The following CPNE5 variants were observed in gnomAD, a reference collection of about 807,000 sequenced individuals.
The protein encoded by CPNE5 is copine-5.
Under a neutral mutation model 81.1 loss-of-function variants are expected in CPNE5, and 42 were observed. The observed-to-expected ratio is 0.52, with a 90% confidence interval of 0.40 to 0.67. CPNE5 has a LOEUF of 0.67. Ranked by LOEUF, CPNE5 falls within the 30% of genes least tolerant of loss-of-function variation. The pLI is 0.00. For synonymous variants in CPNE5, 313 were observed against 321.5 expected (o/e 0.97, Z 0.28); for missense variants, 612 against 815.5 (o/e 0.75, Z 3.04).
At chr6:36,768,796 A>T (rs1766804983) in intron 10 of CPNE5, among the ~76,000 whole-genome samples, 1 of 152,240 alleles carries the variant, frequency 6.6e-6, no homozygotes, top group African/African-American at 2.4e-5. Context: ...CCTAGGAGGC[A>T]GCAAAGTGGG....
chr6:36,753,345 G>GGT (rs1434886379), intron 13 of CPNE5, among the ~76,000 whole-genome samples: 1 of 152,210 alleles, frequency 6.6e-6, no homozygotes, highest in Non-Finnish European at 1.5e-5. Flanking sequence ...CTGAAACCAG[G>GGT]GTGTGTCTGA....
rs764803389 is a variant in CPNE5 at position 36,742,325 on chromosome 6, C to T, written c.1725G>A (p.Ser575=). 57 of 1,611,210 alleles carry T rather than the reference C, an allele frequency of 3.5e-5. No homozygotes were observed. In the East Asian group the frequency reaches 6.7e-4, roughly 19 times the overall value. The change falls in exon 21 of 21, where the codon TCG becomes TCA. Residue 575 remains serine, a synonymous_variant. Coordinates refer to ENST00000244751, the MANE Select transcript of CPNE5 (RefSeq NM_020939.2). ...PRPPPAAPTH[S]PSQSPARTPP... is the part of the protein sequence containing the mutation. ...GCGTGCGGGCTGGGGACTGCGAGGG[C>T]GAGTGGGTTGGTGCTGCGGGTGGGG...
intron 1 of CPNE5, chr6:36,827,765 A>G: frequency 1.0e-6 from 1 of 985,410 alleles, no homozygotes; most frequent in Non-Finnish European, 1.2e-6. Context: ...GCCCTGACGA[A>G]GGGCCCGAGA....
intron 3 of CPNE5, among the ~76,000 whole-genome samples, chr6:36,812,925 C>T (rs749669283): frequency 1.3e-5 from 2 of 152,264 alleles, no homozygotes; most frequent in African/African-American, 2.4e-5. Context: ...CTTAGCAATG[C>T]TGATGGTCCA....
At chr6:36,814,895 G>A (rs918088709) in intron 3 of CPNE5, among the ~76,000 whole-genome samples, 2 of 152,116 alleles carry the variant, frequency 1.3e-5, no homozygotes, top group African/African-American at 2.4e-5. Context: ...GGCCAGGTGC[G>A]GTGGCTCACG....
In CPNE5 at chr6:36,800,012, A is replaced by C. The variant is rs368726086; in HGVS notation, c.242T>G (p.Ile81Ser). 5.8e-5 allele frequency: 93 copies of C among 1,613,952 alleles called. No homozygotes were observed. Among genetic ancestry groups the C allele is most frequent in the Non-Finnish European group, 7.5e-5 (89 of 1,179,990 alleles). The change falls in exon 4 of 21, where the codon ATT becomes AGT. Residue 81 changes from isoleucine (I) to serine (S), a missense_variant. Transcript: ENST00000244751. ...TLNPDFVRKF[I>S]VDYFFEEKQN... Reference sequence around the variant, plus strand: ...CTTCTCCTCGAAAAAGTAATCCACAATGAACTTGCGCACGAAGTCAGGATT... The same window carrying C: ...CTTCTCCTCGAAAAAGTAATCCACACTGAACTTGCGCACGAAGTCAGGATT...
intron 8 of CPNE5, among the ~76,000 whole-genome samples, chr6:36,780,199 A>G (rs1377574148): frequency 2.6e-5 from 4 of 152,036 alleles, no homozygotes; most frequent in Non-Finnish European, 5.9e-5. Flanking sequence ...TTCTGACCTC[A>G]TGATCCGCCC....
At chr6:36,835,404 G>A (rs1348954628) in intron 1 of CPNE5, among the ~76,000 whole-genome samples, 2 of 152,158 alleles carry the variant, frequency 1.3e-5, no homozygotes, top group African/African-American at 4.8e-5. Flanking sequence ...CTCTTGGCTC[G>A]AGGGAGGAGG....
chr6:36,816,189 C>T (rs1446066088), intron 3 of CPNE5, among the ~76,000 whole-genome samples: 1 of 152,158 alleles, frequency 6.6e-6, no homozygotes, highest in Non-Finnish European at 1.5e-5. Flanking sequence ...GGTCTGAAAA[C>T]CCAGGGTTTT....
rs1382411027 is a variant in CPNE5, at chr6:36,741,261, CT to C, written c.*1006del. 6 of 152,274 alleles carry C rather than the reference CT, an allele frequency of 3.9e-5. No individual in the cohort carries two copies. The highest frequency in any genetic ancestry group is 1.4e-4 in the African/African-American group (6 of 41,440). 9.4% of individuals were successfully genotyped at this position (152,274 alleles called of 1,614,324 possible). ...CAGGATGTCAGACCTAAAGGAAAAC[CT>C]GGGGCCATCTGGTCAACCCTCTTGT... On this transcript the variant is annotated 3_prime_UTR_variant, in exon 21 of 21. Transcript: ENST00000244751.
rs1763796676 is a variant in CPNE5 at position 36,743,754 on chromosome 6, C to A, written c.1498G>T (p.Glu500Ter). 3.7e-6 allele frequency: 6 copies of A among 1,612,020 alleles called. No homozygotes were observed. The highest frequency in any genetic ancestry group is 3.4e-6 in the Non-Finnish European group (4 of 1,179,900). The change falls in exon 20 of 21, where the codon GAG (glutamate) becomes TAG (stop). Residue 500 changes from glutamate to a stop codon, truncating the protein, a stop_gained. Coordinates refer to ENST00000244751, the MANE Select transcript of CPNE5 (RefSeq NM_020939.2). LOFTEE classifies it high-confidence loss of function. ...ATCCGCACGTCGTCGCCATCCAGCT[C>A]CACCATGGCTGTGAGGGGAGGAGTG... is the stretch of plus-strand genomic sequence containing the variant. ...VGQAEFDAMVELDGDDVRISS... is the reference protein window; with the variant it reads ...VGQAEFDAMV
chr6:36,771,255 T>C (rs933529836), intron 10 of CPNE5, among the ~76,000 whole-genome samples: 25 of 152,214 alleles, frequency 1.6e-4, no homozygotes, highest in Non-Finnish European at 2.6e-4. Flanking sequence ...CACAGCCCTG[T>C]CATGCCATGT....
rs561991107 is a variant in CPNE5, at chr6:36,771,199, C to T, written c.737+3762G>A. Among the ~76,000 whole-genome samples, 11 of 152,346 alleles carry T rather than the reference C, an allele frequency of 7.2e-5. No individual in the cohort carries two copies. The East Asian group carries it at 1.7e-3, about 24-fold the overall frequency. On this transcript the variant is annotated intron_variant, in intron 10 of 20. Coordinates refer to ENST00000244751, the MANE Select transcript of CPNE5 (RefSeq NM_020939.2). ...CAGAAAGCAGAACTGCCCCTAACCC[C>T]TGAGCAAGGTGCTCATTAGTAAGCC...
chr6:36,745,395 C>A lies in CPNE5; in HGVS notation c.1321G>T (p.Val441Leu). 1 of 1,606,278 alleles carries A rather than the reference C, an allele frequency of 6.2e-7. No homozygotes were observed. The highest frequency in any genetic ancestry group is 8.5e-7 in the Non-Finnish European group (1 of 1,177,202). Residue 441 changes from valine to leucine, a missense_variant, in exon 17 of 21, where the codon GTG becomes TTG. Val to Leu is a conservative substitution (Grantham distance 32). Coordinates refer to ENST00000244751, the MANE Select transcript of CPNE5 (RefSeq NM_020939.2). ...PTNFAPVVTH[V>L]ARNAAAVQDG... ...GGTGGCAGCGGCACTCACCTGGCCACGTGGGTGACCACGGGGGCAAAGTTG... is the reference window on the plus strand; with the variant it reads ...GGTGGCAGCGGCACTCACCTGGCCAAGTGGGTGACCACGGGGGCAAAGTTG...
At chr6:36,772,818 T>TTTTG (rs773699969) in intron 10 of CPNE5, among the ~76,000 whole-genome samples, 1 of 151,958 alleles carries the variant, frequency 6.6e-6, no homozygotes, top group Non-Finnish European at 1.5e-5. Context: ...AGGTGTCTGG[T>TTTTG]TTTGTTTGTT....
At chr6:36,742,964 C>T in intron 20 of CPNE5, 1 of 985,382 alleles carries the variant, frequency 1.0e-6, no homozygotes, top group South Asian at 4.7e-5. Context: ...CGGGGGTGCC[C>T]TCCATCCTGA....
At chr6:36,805,290 T>C (rs1770490591) in intron 3 of CPNE5, among the ~76,000 whole-genome samples, 1 of 151,972 alleles carries the variant, frequency 6.6e-6, no homozygotes, top group Non-Finnish European at 1.5e-5. Context: ...AGCAGGGGGG[T>C]TAACCCCTCA....
In CPNE5 at chr6:36,774,960, C is replaced by T; in HGVS notation, c.737+1G>A. 6.2e-7 allele frequency: 1 copy of T among 1,611,278 alleles called. No homozygotes were observed. Among genetic ancestry groups the T allele is most frequent in the Non-Finnish European group, 8.5e-7 (1 of 1,177,444 alleles). ...AAAGAAGGGACATTTTCTCATCTCA[C>T]CGATCGTAGTCGCCGTTGCAGAGGG... is the stretch of plus-strand genomic sequence containing the variant. On this transcript the variant is annotated splice_donor_variant, in intron 10 of 20. Coordinates refer to ENST00000244751, the MANE Select transcript of CPNE5 (RefSeq NM_020939.2). LOFTEE classifies it high-confidence loss of function.
At chr6:36,790,251 C>T (rs947878846) in intron 8 of CPNE5, among the ~76,000 whole-genome samples, 2 of 152,152 alleles carry the variant, frequency 1.3e-5, no homozygotes, top group African/African-American at 4.8e-5. Flanking sequence ...GTAAGCAAGT[C>T]AATACATGTA....
Sources: allele counts gnomAD v4.1 joint callset (sites outside exome capture counted in the v4.1 genomes callset), GRCh38; gene constraint gnomAD v4.1.1; transcripts MANE v1.5; gene names NCBI Gene and HGNC (gene_info 2026-07-23, HGNC 2026-07-21).